CYP51A1: variants seen among roughly 807,000 people sequenced by gnomAD.
CYP51A1 encodes cytochrome P450 family 51 subfamily A member 1.
In CYP51A1, 45 loss-of-function variants were observed where a neutral mutation model predicts 53.5. The observed-to-expected ratio is 0.84, with a 90% CI of 0.66 to 1.08. The LOEUF (loss-of-function observed/expected upper bound fraction) is 1.08. CYP51A1 is among the 50% of genes least tolerant of loss of function. The pLI is 0.00. For missense variants in CYP51A1, 462 were observed against 621.7 expected (o/e 0.74, Z 2.73); for synonymous variants, 181 against 217.7 (o/e 0.83, Z 1.48).
At chr7:92,117,357 C>T in intron 8 of CYP51A1, 145 bp from the exon 9 acceptor site, 1 of 593,396 alleles carries the variant, frequency 1.7e-6, no homozygotes, top group Non-Finnish European at 2.8e-6. Flanking sequence ...ATAAATCCAT[C>T]ATAAAGTCAA....
rs1047662297 is a variant in CYP51A1, at chr7:92,134,296, C to A, written c.69G>T (p.Ala23=). Residue 23 remains alanine, a synonymous_variant, in exon 1 of 10, where the codon GCG becomes GCT. Transcript: ENST00000003100. ...GGTTGCCGCCTGTCACCTTCTCCATCGCCTGGCCCAGCACCGACCCACCCG... is the reference window on the plus strand; with the variant it reads ...GGTTGCCGCCTGTCACCTTCTCCATAGCCTGGCCCAGCACCGACCCACCCG... ...LQAGGSVLGQ[A]MEKVTGGNLL... is the part of the protein sequence containing the mutation. The A allele has an allele frequency of 1.2e-6, 2 of 1,610,972 alleles. No individual in the cohort carries two copies. The highest frequency in any genetic ancestry group is 1.1e-5 in the South Asian group (1 of 90,668).
chr7:92,130,714 A>C (rs961513773), intron 2 of CYP51A1, among the ~76,000 whole-genome samples: 1 of 152,214 alleles, frequency 6.6e-6, no homozygotes, highest in Non-Finnish European at 1.5e-5. Context: ...TTTTCTTTGA[A>C]TGTTTTAATA....
At position 92,131,875 on chromosome 7, in the gene CYP51A1, AC is replaced by A; in HGVS notation, c.193-4del. ...GAGAAAATGTATGGAGGACTTTTCTACAAGAGAAAAAAATAGTAAATTCAAT... is the reference window on the plus strand; with the variant it reads ...GAGAAAATGTATGGAGGACTTTTCTAAAGAGAAAAAAATAGTAAATTCAAT... On this transcript the variant is annotated splice_polypyrimidine_tract_variant and splice_region_variant and intron_variant, in intron 1 of 9. Transcript: ENST00000003100. 6.6e-7 allele frequency: 1 copy of A among 1,518,116 alleles called. No homozygotes were observed. 94.0% of individuals were successfully genotyped at this position (1,518,116 alleles called of 1,614,324 possible).
rs1819729195 is a variant in CYP51A1, at chr7:92,123,333, G to C, written c.891-18C>G. On this transcript the variant is annotated intron_variant, in intron 6 of 9. Coordinates refer to ENST00000003100, the MANE Select transcript of CYP51A1 (RefSeq NM_000786.4). ...GCCCATCCCTAAGGAATGAACCAAA[G>C]ACACAAATTTAACATTTTGGCAGAT... 1 of 1,591,702 alleles carries C rather than the reference G, an allele frequency of 6.3e-7. No homozygotes were observed. Among genetic ancestry groups the C allele is most frequent in the African/African-American group, 1.4e-5 (1 of 73,918 alleles).
chr7:92,131,464 T>C (rs893399995), intron 2 of CYP51A1, among the ~76,000 whole-genome samples: 1 of 152,138 alleles, frequency 6.6e-6, no homozygotes, highest in Non-Finnish European at 1.5e-5. Flanking sequence ...TGAGGGTTAA[T>C]TAATATCAAT....
In CYP51A1 at chr7:92,126,400, A is replaced by T; in HGVS notation, c.623T>A (p.Ile208Lys). The T allele has an allele frequency of 1.2e-6, 2 of 1,613,658 alleles. No homozygotes were observed. Among genetic ancestry groups the T allele is most frequent in the South Asian group, 2.2e-5 (2 of 90,980 alleles). ...KNVFEALSEL[I>K]ILTASHCLHG... ...CAAACAATGGCTAGCTGTTAAAATT[A>T]TGAGCTCAGAAAGAGCTTCAAACAC... Residue 208 changes from isoleucine (I) to lysine (K), a missense_variant, in exon 5 of 10, where the codon ATA (isoleucine) becomes AAA (lysine). By Grantham distance (102) the Ile-to-Lys change is moderately radical (BLOSUM62 -3). Coordinates refer to ENST00000003100, the MANE Select transcript of CYP51A1 (RefSeq NM_000786.4).
At position 92,117,061 on chromosome 7, in the gene CYP51A1, T is replaced by C. The variant is rs1254493611; in HGVS notation, c.1334A>G (p.Tyr445Cys). ...DNPASGEKFA[Y>C]VPFGAGRHRC... is the part of the protein sequence containing the mutation. ...CATCTTACCAGCTCCAAATGGCACA[T>C]AGGCAAACTTTTCCCCTGATGCTGG... The change falls in exon 9 of 10, where the codon TAT becomes TGT. Residue 445 changes from tyrosine (Y) to cysteine (C), a missense_variant. Transcript: ENST00000003100. The C allele has an allele frequency of 6.2e-7, 1 of 1,612,714 alleles. No homozygotes were observed. Among genetic ancestry groups the C allele is most frequent in the East Asian group, 2.2e-5 (1 of 44,836 alleles).
chr7:92,123,694 T>C, intron 6 of CYP51A1, 40 bp downstream of exon 6: 3 of 1,551,010 alleles, frequency 1.9e-6, no homozygotes, highest in Non-Finnish European at 2.6e-6. Context: ...AATGTGTAAT[T>C]TCCTGCTTCA....
chr7:92,115,319 A>C (rs1021466321), intron 9 of CYP51A1, among the ~76,000 whole-genome samples: 1 of 152,206 alleles, frequency 6.6e-6, no homozygotes, highest in Non-Finnish European at 1.5e-5. Flanking sequence ...TTATATACAC[A>C]ATTATTTAAG....
chr7:92,113,941 T>C, intron 9 of CYP51A1, 98 bp from the exon 10 acceptor site: 1 of 672,918 alleles, frequency 1.5e-6, no homozygotes, highest in Non-Finnish European at 2.5e-6. Flanking sequence ...ACAGCAAATG[T>C]ACAGATAATA....
At chr7:92,120,448 T>G (rs1819668694) in intron 7 of CYP51A1, among the ~76,000 whole-genome samples, 1 of 152,208 alleles carries the variant, frequency 6.6e-6, no homozygotes, top group Non-Finnish European at 1.5e-5. Flanking sequence ...TCAAGAGGCT[T>G]TTTAAAATGT....
chr7:92,124,681 G>A (rs1281655162), intron 5 of CYP51A1, among the ~76,000 whole-genome samples: 1 of 152,198 alleles, frequency 6.6e-6, no homozygotes, highest in African/African-American at 2.4e-5. Context: ...TATGAATACA[G>A]TCGAACCAGG....
At position 92,127,487 on chromosome 7, in the gene CYP51A1, A is replaced by G; in HGVS notation, c.595+18T>C. 10 of 1,602,650 alleles carry G rather than the reference A, an allele frequency of 6.2e-6. No homozygotes were observed. The highest frequency in any genetic ancestry group is 7.7e-6 in the Non-Finnish European group (9 of 1,175,894). On this transcript the variant is annotated intron_variant, in intron 4 of 9. Coordinates refer to ENST00000003100, the MANE Select transcript of CYP51A1 (RefSeq NM_000786.4). ...GAGAAGTAGAAATGTTAGGACAAACATAAAACATTTTGCTTACTTTTTTCT... is the reference window on the plus strand; with the variant it reads ...GAGAAGTAGAAATGTTAGGACAAACGTAAAACATTTTGCTTACTTTTTTCT...
intron 3 of CYP51A1, 66 bp from the exon 4 acceptor site, chr7:92,127,697 T>A: frequency 6.6e-7 from 1 of 1,517,440 alleles, no homozygotes; most frequent in Non-Finnish European, 9.1e-7. Flanking sequence ...TAAAATCCAT[T>A]TAGGTTATTA....
chr7:92,120,086 T>C (rs571741294), intron 7 of CYP51A1, among the ~76,000 whole-genome samples: 2 of 152,290 alleles, frequency 1.3e-5, no homozygotes, highest in African/African-American at 4.8e-5. Flanking sequence ...TTAAACATTG[T>C]GCACCAAAAA....
At chr7:92,126,805 T>C (rs1314359247) in intron 4 of CYP51A1, among the ~76,000 whole-genome samples, 1 of 152,202 alleles carries the variant, frequency 6.6e-6, no homozygotes, top group Admixed American at 6.5e-5. Flanking sequence ...GATCAGATTA[T>C]TTCCCAGGTT....
In CYP51A1 at chr7:92,113,758, A is replaced by C; in HGVS notation, c.1437T>G (p.Asp479Glu). The change falls in exon 10 of 10, where the codon GAT (aspartate) becomes GAG (glutamate). Residue 479 changes from aspartate to glutamate, a missense_variant. Physicochemically the swap from Asp to Glu is conservative, Grantham distance 45 (BLOSUM62 2). Coordinates refer to ENST00000003100, the MANE Select transcript of CYP51A1 (RefSeq NM_000786.4). ...CAGTGGGAAAGTATCCATCAATGAG[A>C]TCAAATTCATATAAACGAAGCATAG... ...WSTMLRLYEF[D>E]LIDGYFPTVN... 1 of 1,613,320 alleles carries C rather than the reference A, an allele frequency of 6.2e-7. No individual in the cohort carries two copies. The highest frequency in any genetic ancestry group is 1.1e-5 in the South Asian group (1 of 91,032).
chr7:92,128,561 G>T (rs1819852470), intron 3 of CYP51A1, among the ~76,000 whole-genome samples: 1 of 151,772 alleles, frequency 6.6e-6, no homozygotes, highest in African/African-American at 2.4e-5. Flanking sequence ...TCGGCTCACT[G>T]CAACCTCCGC....
chr7:92,114,790 T>C (rs1454116068), intron 9 of CYP51A1, among the ~76,000 whole-genome samples: 5 of 152,182 alleles, frequency 3.3e-5, no homozygotes, highest in Admixed American at 3.3e-4. Context: ...GATTGATACA[T>C]TGGACTAAAC....
Sources: allele counts gnomAD v4.1 joint callset (sites outside exome capture counted in the v4.1 genomes callset), GRCh38; gene constraint gnomAD v4.1.1; transcripts MANE v1.5; gene names NCBI Gene and HGNC (gene_info 2026-07-23, HGNC 2026-07-21).